Variants in FAM193A observed in about 807,000 individuals in gnomAD.
The protein encoded by FAM193A is protein FAM193A.
In FAM193A, 22 loss-of-function variants were observed where a neutral mutation model predicts 126.5. The ratio of observed to expected loss-of-function variants is 0.17; its 90% CI spans 0.12 to 0.25. The LOEUF is 0.25. FAM193A is among the 10% of genes least tolerant of loss of function. FAM193A has a pLI of 1.00. For missense variants in FAM193A, 1,675 were observed against 1,672.8 expected (o/e 1.00, Z -0.02); for synonymous variants, 761 against 646.8 (o/e 1.18, Z -2.68).
chr4:2,535,984 C>G (rs1398193811), upstream of FAM193A, among the ~76,000 whole-genome samples: 1 of 152,142 alleles, frequency 6.6e-6, no homozygotes, highest in Non-Finnish European at 1.5e-5. Flanking sequence ...TGCCCGAACC[C>G]CCGCCCAGCC....
rs869161808 is a variant in FAM193A, at chr4:2,549,395, C to CTT, written c.255+12243_255+12244dup. Among the ~76,000 whole-genome samples, 298 of 122,634 alleles carry CTT rather than the reference C, an allele frequency of 2.4e-3. 5 individuals are homozygous for CTT. Among genetic ancestry groups the CTT allele is most frequent in the African/African-American group, 3.2e-3 (97 of 30,472 alleles). The allele number at this position is 122,634 out of a possible 152,430, so 80.5% of individuals were successfully genotyped here. A position where few individuals can be genotyped will look rare whatever the true frequency, so the allele number is the denominator to read the frequency against. ...TTTTCCCTCTATGTTTTCTTTTTTT[C>CTT]TTTTTTTTTTTTTTTTTTTGAGACG... On this transcript the variant is annotated intron_variant, in intron 1 of 20. Transcript: ENST00000637812.
At chr4:2,605,904 G>A (rs1741507077) in intron 2 of FAM193A, among the ~76,000 whole-genome samples, 1 of 139,474 alleles carries the variant, frequency 7.2e-6, no homozygotes, top group Non-Finnish European at 1.5e-5. Flanking sequence ...CTAGGAGGTG[G>A]AGGTTGCAGT....
At chr4:2,663,826 G>A (rs1463278894) in intron 12 of FAM193A, among the ~76,000 whole-genome samples, 1 of 152,174 alleles carries the variant, frequency 6.6e-6, no homozygotes, top group Non-Finnish European at 1.5e-5. Context: ...AATTAGCTGG[G>A]CATGGTGGTG....
chr4:2,649,370 G>C (rs1745447540), intron 7 of FAM193A, among the ~76,000 whole-genome samples: 2 of 115,756 alleles, frequency 1.7e-5, no homozygotes, highest in South Asian at 5.8e-4. Context: ...GTGAGACCCT[G>C]TCTGAAAAAA....
At chr4:2,663,897 G>A (rs1477942034) in intron 12 of FAM193A, among the ~76,000 whole-genome samples, 1 of 152,220 alleles carries the variant, frequency 6.6e-6, no homozygotes, top group Non-Finnish European at 1.5e-5. Context: ...AACCTGGGAG[G>A]CAGAGGTTGC....
At chr4:2,721,657 A>G (rs1044990072) in intron 20 of FAM193A, among the ~76,000 whole-genome samples, 1 of 152,226 alleles carries the variant, frequency 6.6e-6, no homozygotes. Context: ...TGCTGGAGGA[A>G]GGTGTGAAGC....
intron 2 of FAM193A, among the ~76,000 whole-genome samples, chr4:2,613,673 C>T (rs926209245): frequency 4.0e-5 from 6 of 151,434 alleles, no homozygotes; most frequent in African/African-American, 1.5e-4. Flanking sequence ...AGGCTGGTCT[C>T]GAACTCCCGA....
At chr4:2,725,383 G>C (rs1032033785) in intron 20 of FAM193A, among the ~76,000 whole-genome samples, 24 of 147,382 alleles carry the variant, frequency 1.6e-4, no homozygotes, top group African/African-American at 6.1e-4. Flanking sequence ...CCAGGAGGTC[G>C]AGGTTGCAGT....
intron 13 of FAM193A, among the ~76,000 whole-genome samples, chr4:2,676,138 C>A (rs906157388): frequency 2.0e-5 from 3 of 152,070 alleles, no homozygotes; most frequent in Non-Finnish European, 4.4e-5. Flanking sequence ...GGGTGTGTAC[C>A]CGGAAGTGGA....
In FAM193A at chr4:2,732,439, C is replaced by T. The variant is rs1381531325; in HGVS notation, c.*571C>T. The T allele has an allele frequency of 6.1e-6, 1 of 162,672 alleles. No individual in the cohort carries two copies. The highest frequency in any genetic ancestry group is 1.4e-5 in the Non-Finnish European group (1 of 74,058). 10.1% of individuals were successfully genotyped at this position (162,672 alleles called of 1,614,324 possible). ...TAAAAACAAGCCCACCCAGTACTCA[C>T]ACCATCAAGTCTGTTATAGAGTGTA... On this transcript the variant is annotated 3_prime_UTR_variant, in exon 21 of 21. Coordinates refer to ENST00000637812, the MANE Select transcript of FAM193A (RefSeq NM_001366318.2).
At chr4:2,539,409 A>G (rs1737085038) in intron 1 of FAM193A, among the ~76,000 whole-genome samples, 1 of 152,108 alleles carries the variant, frequency 6.6e-6, no homozygotes, top group African/African-American at 2.4e-5. Context: ...CTGTTAAACT[A>G]GTATGCATCA....
At chr4:2,605,419 T>G (rs1437139563) in intron 2 of FAM193A, among the ~76,000 whole-genome samples, 1 of 152,236 alleles carries the variant, frequency 6.6e-6, no homozygotes, top group Non-Finnish European at 1.5e-5. Flanking sequence ...TTTTATGTCT[T>G]ACTTATTTTG....
intron 20 of FAM193A, among the ~76,000 whole-genome samples, chr4:2,726,236 C>A (rs1720733920): frequency 6.6e-6 from 1 of 152,076 alleles, no homozygotes; most frequent in Non-Finnish European, 1.5e-5. Context: ...AGACAGTTCT[C>A]ATTATGTTGT....
intron 20 of FAM193A, among the ~76,000 whole-genome samples, chr4:2,731,196 CAAAAAAAAAAAAA>C (rs546217602): frequency 0.53 from 46,505 of 87,594 alleles, 9,566 homozygotes; most frequent in Admixed American, 0.68. Flanking sequence ...AACTCCTTCT[CAAAAAAAAAAAAA>C]AAAAAAAAAA....
At chr4:2,541,799 T>C (rs1737249799) in intron 1 of FAM193A, among the ~76,000 whole-genome samples, 1 of 152,058 alleles carries the variant, frequency 6.6e-6, no homozygotes, top group African/African-American at 2.4e-5. Flanking sequence ...TACTGTATTT[T>C]AAGCTTTTAA....
intron 19 of FAM193A, among the ~76,000 whole-genome samples, chr4:2,702,919 T>A (rs149166793): frequency 8.7e-4 from 133 of 152,334 alleles, no homozygotes; most frequent in African/African-American, 3.1e-3. Flanking sequence ...ACACACCTGA[T>A]TGCGTTTTTC....
chr4:2,694,010 TC>T (rs1716742269), intron 16 of FAM193A, 136 bp downstream of exon 16: 1 of 935,528 alleles, frequency 1.1e-6, no homozygotes, highest in Non-Finnish European at 1.6e-6. Flanking sequence ...TGCAGGGATG[TC>T]CCCAGCAGAG....
intron 1 of FAM193A, among the ~76,000 whole-genome samples, chr4:2,583,573 T>A (rs1435785997): frequency 6.6e-6 from 1 of 152,186 alleles, no homozygotes. Flanking sequence ...CTCTTTCAGA[T>A]CTTTTCAGTG....
chr4:2,580,916 T>G (rs1219201343), intron 1 of FAM193A, among the ~76,000 whole-genome samples: 1 of 152,186 alleles, frequency 6.6e-6, no homozygotes, highest in African/African-American at 2.4e-5. Context: ...GATCACAAGG[T>G]CAGGAGATCT....
Sources: allele counts gnomAD v4.1 joint callset (sites outside exome capture counted in the v4.1 genomes callset), GRCh38; gene constraint gnomAD v4.1.1; transcripts MANE v1.5; gene names NCBI Gene and HGNC (gene_info 2026-07-23, HGNC 2026-07-21).